IGF2: variants seen among roughly 807,000 people sequenced by gnomAD.
The protein encoded by IGF2 is insulin like growth factor 2.
Under a neutral mutation model 12.0 loss-of-function variants are expected in IGF2, and 2 were observed. The ratio of observed to expected loss-of-function variants is 0.17; its 90% CI spans 0.07 to 0.52. IGF2 has a LOEUF of 0.52. Ranked by LOEUF, IGF2 falls within the 20% of genes least tolerant of loss-of-function variation. The pLI is 0.95. For missense variants in IGF2, 211 were observed against 268.0 expected (o/e 0.79, Z 1.48); for synonymous variants, 105 against 110.1 (o/e 0.95, Z 0.29).
At chr11:2,135,257 C>T (rs941669108) in intron 2 of IGF2, 110 bp downstream of exon 2, 21 of 1,005,046 alleles carry the variant, frequency 2.1e-5, no homozygotes, top group Admixed American at 3.1e-5. Flanking sequence ...TCAGAGCAAG[C>T]GGCTGGGCTG....
upstream of IGF2, among the ~76,000 whole-genome samples, chr11:2,141,810 A>G (rs1859616739): frequency 1.3e-5 from 2 of 152,364 alleles, 1 homozygote; most frequent in South Asian, 4.1e-4. Context: ...GAGTGTGATC[A>G]GTACATTTGG....
chr11:2,129,955 C>G lies in IGF2; in HGVS notation c.*3032G>C, dbSNP rs563130821. The G allele has an allele frequency of 4.3e-6, 1 of 231,718 alleles. No homozygotes were observed. Among genetic ancestry groups the G allele is most frequent in the South Asian group, 1.8e-4 (1 of 5,526 alleles). 14.4% of individuals were successfully genotyped at this position (231,718 alleles called of 1,614,324 possible). ...GGGCAGACCTGGCAGCTCTCCTGCT[C>G]TGTGGGCTCAGACCCGCCTGACCTC... On this transcript the variant is annotated 3_prime_UTR_variant, in exon 4 of 4. Transcript: ENST00000416167. This position sits in a 1 kb window ranked among gnomAD's most constrained non-coding sequence, Gnocchi z 8.1.
intron 1 of IGF2, 38 bp from the exon 2 acceptor site, chr11:2,135,567 A>C: frequency 6.3e-7 from 1 of 1,588,150 alleles, no homozygotes. Flanking sequence ...CGGGGCAGCC[A>C]GGCCAAGCCC....
upstream of IGF2, among the ~76,000 whole-genome samples, chr11:2,144,090 T>TA (rs201906292): frequency 0.25 from 1,336 of 5,432 alleles, 12 homozygotes; most frequent in Middle Eastern, 0.5. Context: ...TTGCTTTTAT[T>TA]TTTTTTTTTC....
At chr11:2,140,607 C>T (rs764478018), upstream of IGF2, 1 of 510,264 alleles carries the variant, frequency 2.0e-6, no homozygotes, top group Admixed American at 2.6e-5. Flanking sequence ...CACTTTGGGA[C>T]CCTCCAGCCG....
chr11:2,139,557 G>T, upstream of IGF2, among the ~76,000 whole-genome samples: 1 of 126,958 alleles, frequency 7.9e-6, no homozygotes, highest in Non-Finnish European at 1.7e-5. Context: ...GGGGGTGCGG[G>T]CTGGGGGCCC....
chr11:2,139,551 G>C, upstream of IGF2, among the ~76,000 whole-genome samples: 1 of 138,100 alleles, frequency 7.2e-6, no homozygotes, highest in South Asian at 2.3e-4. Context: ...GGGGCGGGGG[G>C]TGCGGGCTGG....
At chr11:2,144,288 G>A (rs545451755), upstream of IGF2, among the ~76,000 whole-genome samples, 2 of 152,186 alleles carry the variant, frequency 1.3e-5, no homozygotes, top group South Asian at 2.1e-4. Context: ...TCGCCACTGC[G>A]CCCCACTCGC....
intron 2 of IGF2, among the ~76,000 whole-genome samples, chr11:2,134,707 GC>G (rs771147139): frequency 2.3e-4 from 35 of 152,212 alleles, no homozygotes; most frequent in Non-Finnish European, 4.0e-4. Flanking sequence ...CATCCACCCA[GC>G]CCCCCTATCT....
chr11:2,145,500 C>T (rs1002937163), upstream of IGF2, among the ~76,000 whole-genome samples: 4 of 152,228 alleles, frequency 2.6e-5, no homozygotes, highest in African/African-American at 4.8e-5. Context: ...TGTGGGTTCT[C>T]CTCCTCTTTG....
rs554804044 is a variant in IGF2 at position 2,133,025 on chromosome 11, C to T, written c.505G>A (p.Gly169Arg). ...IALPTQDPAH[G>R]GAPPEMASNR... ...CTGGCCATCTCTGGGGGGGCGCCCCCGTGGGCGGGGTCTTGGGTGGGTAGA... is the reference window on the plus strand; with the variant it reads ...CTGGCCATCTCTGGGGGGGCGCCCCTGTGGGCGGGGTCTTGGGTGGGTAGA... The change falls in exon 4 of 4, where the codon GGG becomes AGG. Residue 169 changes from glycine (G) to arginine (R), a missense_variant. By Grantham distance (125) the Gly-to-Arg change is moderately radical. Coordinates refer to ENST00000416167, the MANE Select transcript of IGF2 (RefSeq NM_000612.6). This position sits in a 1 kb window ranked among gnomAD's most constrained non-coding sequence, Gnocchi z 8.9. The T allele has an allele frequency of 1.1e-5, 17 of 1,558,006 alleles. No homozygotes were observed. Among genetic ancestry groups the T allele is most frequent in the South Asian group, 2.4e-5 (2 of 84,456 alleles).
At chr11:2,145,995 A>G (rs978118959), upstream of IGF2, among the ~76,000 whole-genome samples, 6 of 151,930 alleles carry the variant, frequency 3.9e-5, no homozygotes, top group Non-Finnish European at 8.8e-5. Flanking sequence ...TCCCACCCAG[A>G]GCTTGGCCGG....
intron 1 of IGF2, 99 bp downstream of exon 1, chr11:2,138,130 G>A: frequency 1.3e-6 from 1 of 763,654 alleles, no homozygotes; most frequent in Non-Finnish European, 1.6e-6. Context: ...GAGCCCCGCA[G>A]GCCCCGGGCC....
chr11:2,134,168 C>A (rs1343965396), intron 2 of IGF2: 1 of 506,514 alleles, frequency 2.0e-6, no homozygotes. Context: ...AGTGAGGAGG[C>A]GTGATGGAAC....
chr11:2,142,249 T>A (rs187534343), upstream of IGF2, among the ~76,000 whole-genome samples: 254 of 150,856 alleles, frequency 1.7e-3, no homozygotes, highest in African/African-American at 5.5e-3. The surrounding 1 kb of genome is among the most constrained non-coding windows in gnomAD (Gnocchi z 5.7). Flanking sequence ...GGGAAAAAAA[T>A]CTCAATTTGC....
Position 2,133,601 on chromosome 11 carries a change from G to A in IGF2, c.222C>T (p.Ser74=). The A allele has an allele frequency of 6.2e-7, 1 of 1,613,086 alleles. No individual in the cohort carries two copies. ...RGIVEECCFR[S]CDLALLETYC... Reference sequence around the variant, plus strand: ...ACGTCTCCAGGAGGGCCAGGTCACAGCTGCGGAAACAGCACTCCTCAACGA... The same window carrying A: ...ACGTCTCCAGGAGGGCCAGGTCACAACTGCGGAAACAGCACTCCTCAACGA... Residue 74 remains serine (S), a synonymous_variant, in exon 3 of 4, where the codon AGC becomes AGT. Coordinates refer to ENST00000416167, the MANE Select transcript of IGF2 (RefSeq NM_000612.6). This position sits in a 1 kb window ranked among gnomAD's most constrained non-coding sequence, Gnocchi z 8.9.
Position 2,138,476 on chromosome 11 carries a change from G to T in IGF2, c.-254C>A. ...GGCCAGATGTTGTACTTTTCGGGGG[G>T]GAAAAGGTATCGGGAAATGAGGTCA... On this transcript the variant is annotated 5_prime_UTR_variant, in exon 1 of 4. Coordinates refer to ENST00000416167, the MANE Select transcript of IGF2 (RefSeq NM_000612.6). The T allele has an allele frequency of 1.1e-6, 1 of 923,052 alleles. No homozygotes were observed. Among genetic ancestry groups the T allele is most frequent in the Non-Finnish European group, 1.3e-6 (1 of 778,712 alleles). 57.2% of individuals were successfully genotyped at this position (923,052 alleles called of 1,614,324 possible).
rs1253536585 is a variant in IGF2 at position 2,133,492 on chromosome 11, T to C, written c.306+25A>G. On this transcript the variant is annotated intron_variant, in intron 3 of 3. Transcript: ENST00000416167. The surrounding 1 kb of genome is among the most constrained non-coding windows in gnomAD (Gnocchi z 8.9). The stretch of plus-strand genomic sequence containing the variant: ...GCCCTATTTCTCTGTCTCTAGAGAG[T>C]GGGAAAGGGGCCCAGGACCCTCACC... 6.3e-7 allele frequency: 1 copy of C among 1,598,102 alleles called. No homozygotes were observed. Among genetic ancestry groups the C allele is most frequent in the Admixed American group, 1.7e-5 (1 of 57,428 alleles).
rs554804044 is a variant in IGF2, at chr11:2,133,025, C to A, written c.505G>T (p.Gly169Trp). Residue 169 changes from glycine to tryptophan, a missense_variant, in exon 4 of 4, where the codon GGG (glycine) becomes TGG (tryptophan). Gly to Trp is a radical substitution (Grantham distance 184). Transcript: ENST00000416167. This position sits in a 1 kb window ranked among gnomAD's most constrained non-coding sequence, Gnocchi z 8.9. The stretch of plus-strand genomic sequence containing the variant: ...CTGGCCATCTCTGGGGGGGCGCCCC[C>A]GTGGGCGGGGTCTTGGGTGGGTAGA... ...IALPTQDPAH[G>W]GAPPEMASNR... 74 of 1,557,890 alleles carry A rather than the reference C, an allele frequency of 4.8e-5. 1 individual carries two copies. The South Asian group carries it at 8.2e-4, about 17-fold the overall frequency.
Sources: allele counts gnomAD v4.1 joint callset (sites outside exome capture counted in the v4.1 genomes callset), GRCh38; gene constraint gnomAD v4.1.1; non-coding constraint Gnocchi (gnomAD v3.1); transcripts MANE v1.5; gene names NCBI Gene and HGNC (gene_info 2026-07-23, HGNC 2026-07-21).